The following VWA8 variants were observed in gnomAD, a reference collection of about 807,000 sequenced individuals.
VWA8 encodes von Willebrand factor A domain-containing protein 8.
Under a neutral mutation model 241.5 loss-of-function variants are expected in VWA8, and 221 were observed. That is an observed-to-expected ratio of 0.91 (90% CI 0.82 to 1.02). VWA8 has a LOEUF of 1.02. Among genes scored for constraint, VWA8 ranks in the 50% least tolerant of loss-of-function variants. The probability of loss-of-function intolerance (pLI) is 0.00; values close to 1 mark genes in which losing one functional copy is unlikely to be tolerated. For missense variants in VWA8, 2,322 were observed against 2,328.7 expected, an observed-to-expected ratio of 1.00 and a Z score of 0.06; for synonymous variants, 852 against 827.1, an observed-to-expected ratio of 1.03 and a Z score of -0.52.
intron 29 of VWA8, among the ~76,000 whole-genome samples, chr13:41,696,386 T>G (rs2045216007): frequency 6.6e-6 from 1 of 152,238 alleles, no homozygotes; most frequent in South Asian, 2.1e-4. Context: ...GAAAGTATTA[T>G]TTCTTGGTAG....
chr13:41,694,759 A>T (rs1486093322), intron 29 of VWA8, among the ~76,000 whole-genome samples: 1 of 152,156 alleles, frequency 6.6e-6, no homozygotes, highest in South Asian at 2.1e-4. Flanking sequence ...AAAATGAGTA[A>T]GCATAAGAAT....
At chr13:41,857,976 T>C (rs1872826040) in intron 12 of VWA8, among the ~76,000 whole-genome samples, 1 of 152,198 alleles carries the variant, frequency 6.6e-6, no homozygotes. Flanking sequence ...TTGCTTTCTC[T>C]ATGTGTTATT....
intron 37 of VWA8, among the ~76,000 whole-genome samples, chr13:41,616,976 A>G (rs1028692555): frequency 2.0e-5 from 3 of 152,212 alleles, no homozygotes; most frequent in South Asian, 2.1e-4. Context: ...TAATAAATCT[A>G]TATGAGTCTG....
chr13:41,792,268 TC>T (rs1869495492), intron 17 of VWA8, among the ~76,000 whole-genome samples: 1 of 151,902 alleles, frequency 6.6e-6, no homozygotes, highest in Non-Finnish European at 1.5e-5. Flanking sequence ...AAAACATCTT[TC>T]CTAGTTTGTG....
chr13:41,856,000 A>T (rs1872730950), intron 12 of VWA8, among the ~76,000 whole-genome samples: 1 of 152,206 alleles, frequency 6.6e-6, no homozygotes, highest in African/African-American at 2.4e-5. Context: ...GTCAACCCTG[A>T]TATATGGTAA....
intron 2 of VWA8, among the ~76,000 whole-genome samples, chr13:41,922,868 A>T (rs192660014): frequency 2.3e-4 from 35 of 152,362 alleles, no homozygotes; most frequent in East Asian, 9.6e-4. Flanking sequence ...ATTGTGGAAG[A>T]CAGTGTGGTG....
chr13:41,770,179 G>A (rs2045808816), intron 20 of VWA8, among the ~76,000 whole-genome samples: 2 of 152,218 alleles, frequency 1.3e-5, no homozygotes, highest in East Asian at 1.9e-4. Context: ...CGGGCGCGGT[G>A]GCTCACGCCT....
intron 2 of VWA8, among the ~76,000 whole-genome samples, chr13:41,920,483 A>T (rs1158757007): frequency 6.6e-6 from 1 of 152,234 alleles, no homozygotes; most frequent in East Asian, 1.9e-4. Context: ...CCTTCAAAAA[A>T]ATCAATGAAT....
At chr13:41,588,376 G>A (rs1378118464) in intron 41 of VWA8, among the ~76,000 whole-genome samples, 1 of 152,112 alleles carries the variant, frequency 6.6e-6, no homozygotes, top group South Asian at 2.1e-4. Context: ...TTAGACCCAC[G>A]ACTGCCAATT....
intron 35 of VWA8, among the ~76,000 whole-genome samples, chr13:41,678,302 G>A (rs934230292): frequency 6.6e-6 from 1 of 152,178 alleles, no homozygotes; most frequent in Non-Finnish European, 1.5e-5. Flanking sequence ...CACCCAGCTG[G>A]ATTAGCTGTC....
Position 41,568,284 on chromosome 13 carries a change from A to G in VWA8, c.5631T>C (p.Ala1877=). The part of the protein sequence containing the change: ...QATRLQRTLP[A]GRSFVAMDTK... Reference sequence around the variant, plus strand: ...TATCCATGGCAACGAAAGACCGACCAGCTGGTAAAGTTCTCTGAAGCCTGC... The same window carrying G: ...TATCCATGGCAACGAAAGACCGACCGGCTGGTAAAGTTCTCTGAAGCCTGC... Residue 1877 remains alanine, a synonymous_variant, in exon 45 of 45, where the codon GCT becomes GCC. Coordinates refer to ENST00000379310, the MANE Select transcript of VWA8 (RefSeq NM_015058.2). The G allele has an allele frequency of 1.2e-6, 2 of 1,614,182 alleles. No individual in the cohort carries two copies. Among genetic ancestry groups the G allele is most frequent in the South Asian group, 1.1e-5 (1 of 91,080 alleles).
intron 43 of VWA8, among the ~76,000 whole-genome samples, chr13:41,573,474 TA>T (rs543021636): frequency 0.049 from 6,144 of 126,532 alleles, 194 homozygotes; most frequent in African/African-American, 0.085. Flanking sequence ...GGCTATAGTT[TA>T]AAAAAAAAAA....
intron 1 of VWA8, among the ~76,000 whole-genome samples, chr13:41,957,104 G>T (rs1333414803): frequency 6.6e-6 from 1 of 152,100 alleles, no homozygotes; most frequent in East Asian, 1.9e-4. Context: ...AGCTGGGGTG[G>T]CTCATATGGT....
chr13:41,653,528 T>G (rs1281080069), intron 37 of VWA8, among the ~76,000 whole-genome samples: 1 of 152,202 alleles, frequency 6.6e-6, no homozygotes, highest in East Asian at 1.9e-4. Flanking sequence ...CAAACTACCA[T>G]TGGCATTCTT....
chr13:41,881,234 T>C (rs961233386), intron 9 of VWA8, among the ~76,000 whole-genome samples: 2 of 151,880 alleles, frequency 1.3e-5, no homozygotes, highest in Non-Finnish European at 2.9e-5. Flanking sequence ...ATTTCCTTAC[T>C]CTCTGGCACA....
At chr13:41,941,407 C>T (rs908611824) in intron 2 of VWA8, among the ~76,000 whole-genome samples, 4 of 152,162 alleles carry the variant, frequency 2.6e-5, no homozygotes, top group Non-Finnish European at 4.4e-5. Context: ...CAATGCTTCA[C>T]GTCTAAGTGA....
chr13:41,685,122 T>TA lies in VWA8; in HGVS notation c.4251_4252insT (p.Thr1418TyrfsTer40), dbSNP rs769996822. On this transcript the variant is annotated frameshift_variant, in exon 35 of 45. Coordinates refer to ENST00000379310, the MANE Select transcript of VWA8 (RefSeq NM_015058.2). LOFTEE classifies it high-confidence loss of function. ...ACTACCTGATTCGTATCTAAAAGAG[T>TA]CACACAATTGCTTTGTTTTGGAGTC... 2.2e-5 allele frequency: 35 copies of TA among 1,613,554 alleles called. No homozygotes were observed. Among genetic ancestry groups the TA allele is most frequent in the Non-Finnish European group, 2.9e-5 (34 of 1,179,734 alleles).
chr13:41,784,729 T>TATATATATATATATAC (rs772522331), intron 18 of VWA8, among the ~76,000 whole-genome samples: 25 of 60,084 alleles, frequency 4.2e-4, no homozygotes, highest in African/African-American at 1.2e-3. Context: ...TATATATATA[T>TATATATATATATATAC]ACACACACAT....
intron 37 of VWA8, among the ~76,000 whole-genome samples, chr13:41,661,150 C>T (rs942540990): frequency 1.3e-5 from 2 of 152,180 alleles, no homozygotes; most frequent in Non-Finnish European, 2.9e-5. Flanking sequence ...AAGTGTGAGC[C>T]ACTGCACCTG....
Sources: allele counts gnomAD v4.1 joint callset (sites outside exome capture counted in the v4.1 genomes callset), GRCh38; gene constraint gnomAD v4.1.1; transcripts MANE v1.5; gene names NCBI Gene and HGNC (gene_info 2026-07-23, HGNC 2026-07-21).